The following SGCZ variants were observed in gnomAD, a reference collection of about 807,000 sequenced individuals.
The protein encoded by SGCZ is zeta-sarcoglycan.
A neutral mutation model predicts 41.3 loss-of-function variants in SGCZ; 40 were observed. The ratio of observed to expected loss-of-function variants is 0.97; its 90% confidence interval spans 0.75 to 1.26. The LOEUF (loss-of-function observed/expected upper bound fraction) is 1.26. Among genes scored for constraint, SGCZ ranks in the 50% most tolerant of loss-of-function variants. The pLI, the probability that SGCZ is intolerant of heterozygous loss-of-function variation, is 0.00. For missense variants in SGCZ, 552 were observed against 369.8 expected (o/e 1.49, Z -4.04); for synonymous variants, 206 against 137.5 (o/e 1.50, Z -3.49).
intron 1 of SGCZ, among the ~76,000 whole-genome samples, chr8:14,946,877 T>C (rs1019469170): frequency 1.3e-5 from 2 of 151,946 alleles, no homozygotes; most frequent in Non-Finnish European, 2.9e-5. Flanking sequence ...GGTTTCACCA[T>C]ATTGGCCAGG....
intron 1 of SGCZ, among the ~76,000 whole-genome samples, chr8:14,753,452 C>A (rs142737340): frequency 6.6e-6 from 1 of 152,224 alleles, no homozygotes; most frequent in African/African-American, 2.4e-5. Context: ...AGATGTGTTG[C>A]TATAGCATTG....
At chr8:14,139,878 A>G (rs1803313344) in intron 5 of SGCZ, among the ~76,000 whole-genome samples, 1 of 152,196 alleles carries the variant, frequency 6.6e-6, no homozygotes, top group Non-Finnish European at 1.5e-5. Context: ...CAGAGACACA[A>G]CAAAAAAACA....
At chr8:14,799,936 A>G (rs1407045600) in intron 1 of SGCZ, among the ~76,000 whole-genome samples, 2 of 152,222 alleles carry the variant, frequency 1.3e-5, no homozygotes, top group African/African-American at 4.8e-5. Flanking sequence ...GTTGATAAGT[A>G]TTATAAACAG....
chr8:14,630,919 T>C (rs1227714783), intron 1 of SGCZ, among the ~76,000 whole-genome samples: 2 of 151,524 alleles, frequency 1.3e-5, no homozygotes, highest in Non-Finnish European at 2.9e-5. Context: ...ATACCTAATG[T>C]AAATGACGAG....
chr8:14,706,791 ATAT>A (rs1809344186), intron 1 of SGCZ, among the ~76,000 whole-genome samples: 1 of 152,098 alleles, frequency 6.6e-6, no homozygotes, highest in South Asian at 2.1e-4. Flanking sequence ...TAATATGACA[ATAT>A]TATACTTTTA....
intron 1 of SGCZ, among the ~76,000 whole-genome samples, chr8:15,219,242 T>A (rs1473624617): frequency 6.6e-6 from 1 of 152,200 alleles, no homozygotes; most frequent in Non-Finnish European, 1.5e-5. Flanking sequence ...ACATGTGGAT[T>A]ACTCTCATGA....
At chr8:15,109,438 AC>A (rs953127123) in intron 1 of SGCZ, among the ~76,000 whole-genome samples, 2 of 152,160 alleles carry the variant, frequency 1.3e-5, no homozygotes, top group African/African-American at 4.8e-5. Flanking sequence ...AAATGTTTAT[AC>A]GAGAAATGAT....
At chr8:14,783,040 C>T (rs978640015) in intron 1 of SGCZ, among the ~76,000 whole-genome samples, 1 of 152,034 alleles carries the variant, frequency 6.6e-6, no homozygotes, top group Admixed American at 6.6e-5. Flanking sequence ...ATTTTAAATT[C>T]AAATGTTTTA....
At chr8:14,585,744 C>T (rs904616387) in intron 1 of SGCZ, among the ~76,000 whole-genome samples, 3 of 151,952 alleles carry the variant, frequency 2.0e-5, no homozygotes, top group East Asian at 1.9e-4. Context: ...TAATACTCAA[C>T]GATTAATTGT....
chr8:14,806,729 T>C (rs1196954562), intron 1 of SGCZ, among the ~76,000 whole-genome samples: 2 of 152,226 alleles, frequency 1.3e-5, no homozygotes, highest in African/African-American at 2.4e-5. Flanking sequence ...TAACTCATTT[T>C]AGGGAGTTAG....
intron 4 of SGCZ, among the ~76,000 whole-genome samples, chr8:14,169,541 G>C: frequency 6.6e-6 from 1 of 152,028 alleles, no homozygotes; most frequent in Middle Eastern, 3.2e-3. Flanking sequence ...TTGCCTCACT[G>C]GCTCCCAGGA....
At chr8:14,637,134 T>C (rs1456878744) in intron 1 of SGCZ, among the ~76,000 whole-genome samples, 1 of 151,698 alleles carries the variant, frequency 6.6e-6, no homozygotes, top group African/African-American at 2.4e-5. Context: ...CTCATACCTC[T>C]GAATTTACCT....
rs2065734626 is a variant in SGCZ at position 14,127,574 on chromosome 8, G to T, written c.548-19339C>A. Among the ~76,000 whole-genome samples, 3 of 152,040 alleles carry T rather than the reference G, an allele frequency of 2.0e-5. No homozygotes were observed. In the South Asian group the frequency reaches 6.2e-4, roughly 32 times the overall value. On this transcript the variant is annotated intron_variant, in intron 5 of 7. Coordinates refer to ENST00000382080, the MANE Select transcript of SGCZ (RefSeq NM_139167.4). ...GGGTTCATGCCATTAGCCTGCCTCA[G>T]CCTCCCGAGTAGCTGGGACTACAGG...
chr8:14,396,651 A>G (rs1293062695), intron 2 of SGCZ, among the ~76,000 whole-genome samples: 2 of 152,120 alleles, frequency 1.3e-5, no homozygotes, highest in Non-Finnish European at 2.9e-5. Context: ...GGTAGCTAAT[A>G]TAACGACTGA....
chr8:15,092,617 A>G (rs1388481846), intron 1 of SGCZ, among the ~76,000 whole-genome samples: 1 of 152,218 alleles, frequency 6.6e-6, no homozygotes, highest in Non-Finnish European at 1.5e-5. Context: ...CTTCAGATGT[A>G]AGAGAAAACA....
chr8:14,816,027 G>A (rs976257283), intron 1 of SGCZ, among the ~76,000 whole-genome samples: 5 of 152,162 alleles, frequency 3.3e-5, no homozygotes, highest in Non-Finnish European at 7.3e-5. Context: ...AATGAGGCCA[G>A]TGAAATTAAT....
At chr8:14,229,529 G>A (rs1183402557) in intron 4 of SGCZ, among the ~76,000 whole-genome samples, 1 of 151,936 alleles carries the variant, frequency 6.6e-6, no homozygotes, top group African/African-American at 2.4e-5. Flanking sequence ...CATTTGAAAT[G>A]TATATGTAGT....
chr8:14,891,832 A>G (rs1031093885), intron 1 of SGCZ, among the ~76,000 whole-genome samples: 5 of 152,232 alleles, frequency 3.3e-5, no homozygotes, highest in African/African-American at 1.2e-4. Flanking sequence ...ATCAGTCAGC[A>G]TCTTAACATG....
At chr8:14,926,401 A>G (rs1163470180) in intron 1 of SGCZ, among the ~76,000 whole-genome samples, 1 of 152,174 alleles carries the variant, frequency 6.6e-6, no homozygotes, top group Non-Finnish European at 1.5e-5. Flanking sequence ...AAAAATTCAT[A>G]TTCTTTGATT....
Sources: allele counts gnomAD v4.1 joint callset (sites outside exome capture counted in the v4.1 genomes callset), GRCh38; gene constraint gnomAD v4.1.1; transcripts MANE v1.5; gene names NCBI Gene and HGNC (gene_info 2026-07-23, HGNC 2026-07-21).